TMPRSS5: variants seen among roughly 807,000 people sequenced by gnomAD.
TMPRSS5 encodes transmembrane protease serine 5.
In TMPRSS5, 45 loss-of-function variants were observed where a neutral mutation model predicts 59.7. The observed-to-expected ratio is 0.75, with a 90% CI of 0.59 to 0.97. TMPRSS5 has a LOEUF of 0.97. Ranked by LOEUF, TMPRSS5 falls within the 50% of genes least tolerant of loss-of-function variation. The pLI, the probability that TMPRSS5 is intolerant of heterozygous loss-of-function variation, is 0.00. For missense variants in TMPRSS5, 585 were observed against 596.7 expected, an observed-to-expected ratio of 0.98 and a Z score of 0.20; for synonymous variants, 225 against 232.0, an observed-to-expected ratio of 0.97 and a Z score of 0.27.
intron 11 of TMPRSS5, 64 bp from the exon 12 acceptor site, chr11:113,689,981 C>G: frequency 1.4e-6 from 2 of 1,456,206 alleles, no homozygotes; most frequent in Non-Finnish European, 1.8e-6. Context: ...TGGAGAGCAC[C>G]AGACCACTAT....
At chr11:113,693,037 C>T in intron 9 of TMPRSS5, 34 bp downstream of exon 9, 1 of 1,379,158 alleles carries the variant, frequency 7.3e-7, no homozygotes, top group Non-Finnish European at 9.8e-7. Flanking sequence ...TCGCCATAGT[C>T]TCCAGCCTGC....
intron 12 of TMPRSS5, among the ~76,000 whole-genome samples, chr11:113,689,159 A>T (rs1952686544): frequency 6.6e-6 from 1 of 151,768 alleles, no homozygotes; most frequent in Non-Finnish European, 1.5e-5. Context: ...GGAGTTCAAG[A>T]CCAGCCTGAC....
chr11:113,697,411 G>C lies in TMPRSS5; in HGVS notation c.336C>G (p.Phe112Leu), dbSNP rs375114010. Reference sequence around the variant, plus strand: ...GCAAGAAGTCTTCGCTGTTTATTCTGAAAGATACTGAAATCACAGCATGAA... The same window carrying C: ...GCAAGAAGTCTTCGCTGTTTATTCTCAAAGATACTGAAATCACAGCATGAA... ...LLPALPKTVS[F>L]RINSEDFLLE... The change falls in exon 5 of 13, where the codon TTC becomes TTG. Residue 112 changes from phenylalanine (F) to leucine (L), a missense_variant. Coordinates refer to ENST00000299882, the MANE Select transcript of TMPRSS5 (RefSeq NM_030770.4). 1.2e-6 allele frequency: 2 copies of C among 1,613,552 alleles called. No homozygotes were observed. The highest frequency in any genetic ancestry group is 2.7e-5 in the African/African-American group (2 of 74,932).
intron 9 of TMPRSS5, 127 bp from the exon 10 acceptor site, chr11:113,691,066 T>TGGAA: frequency 1.2e-6 from 1 of 843,664 alleles, no homozygotes; most frequent in Non-Finnish European, 1.9e-6. Flanking sequence ...GGCTCCTGGG[T>TGGAA]TCCACCAGCC....
chr11:113,693,044 C>T, intron 9 of TMPRSS5, 27 bp downstream of exon 9: 11 of 1,550,602 alleles, frequency 7.1e-6, no homozygotes, highest in Non-Finnish European at 8.7e-6. Context: ...AGTCTCCAGC[C>T]TGCCCACCCT....
At chr11:113,690,176 G>GCCCACCCCC in intron 11 of TMPRSS5, 55 bp downstream of exon 11, 2 of 388,226 alleles carry the variant, frequency 5.2e-6, no homozygotes, top group Non-Finnish European at 8.3e-6. Context: ...CAGGCCCCCT[G>GCCCACCCCC]CCCTCCCACC....
At chr11:113,705,600 T>C (rs538595120) in intron 1 of TMPRSS5, among the ~76,000 whole-genome samples, 18 of 152,278 alleles carry the variant, frequency 1.2e-4, no homozygotes, top group South Asian at 2.1e-4. Context: ...ACACAGGCAG[T>C]GAGGCTGCAG....
chr11:113,693,012 A>ACC, intron 9 of TMPRSS5, 59 bp downstream of exon 9: 2 of 866,092 alleles, frequency 2.3e-6, no homozygotes, highest in Non-Finnish European at 3.7e-6. Context: ...TCTCCCACCC[A>ACC]GCCCCCGCCC....
rs1306067549 is a variant in TMPRSS5 at position 113,699,074 on chromosome 11, G to A, written c.206-47C>T. 4 of 1,591,242 alleles carry A rather than the reference G, an allele frequency of 2.5e-6. No individual in the cohort carries two copies. The East Asian group carries it at 6.8e-5, about 27-fold the overall frequency. Reference sequence around the variant, plus strand: ...AAGGGTCTGATTTCCAAAGGAAGGTGTCAAGGTGCTGACCTCCTCATCAGC... The same window carrying A: ...AAGGGTCTGATTTCCAAAGGAAGGTATCAAGGTGCTGACCTCCTCATCAGC... On this transcript the variant is annotated intron_variant, in intron 3 of 12. Transcript: ENST00000299882.
chr11:113,699,669 G>A lies in TMPRSS5; in HGVS notation c.131C>T (p.Ser44Phe). The A allele has an allele frequency of 1.3e-6, 2 of 1,581,888 alleles. No individual in the cohort carries two copies. The highest frequency in any genetic ancestry group is 1.7e-6 in the Non-Finnish European group (2 of 1,164,464). The change falls in exon 3 of 13, where the codon TCC becomes TTC. Residue 44 changes from serine to phenylalanine, a missense_variant. By Grantham distance (155) the Ser-to-Phe change is radical. Transcript: ENST00000299882. ...CAGCACTGCACAGCCACGTCGCATG[G>A]AACGCCAGCACACTGCCTGAGAAAC... ...HPISQAVCWR[S>F]MRRGCAVLGA...
Position 113,690,318 on chromosome 11 carries a change from G to A in TMPRSS5, c.1119C>T (p.Leu373=), listed in dbSNP as rs1257005148. 2 of 1,601,718 alleles carry A rather than the reference G, an allele frequency of 1.2e-6. No individual in the cohort carries two copies. The highest frequency in any genetic ancestry group is 1.7e-6 in the Non-Finnish European group (2 of 1,174,926). Residue 373 remains leucine, a synonymous_variant, in exon 11 of 13, where the codon CTC becomes CTT. Transcript: ENST00000299882. ...DTVVPLFSTQ[L]CNSSCVYSGA... ...CGCTGTACACGCAAGAGCTGTTGCAGAGCTGAGTGCTGAACAAGGGCACCA... is the reference window on the plus strand; with the variant it reads ...CGCTGTACACGCAAGAGCTGTTGCAAAGCTGAGTGCTGAACAAGGGCACCA...
At chr11:113,705,032 C>A (rs976397568) in intron 1 of TMPRSS5, among the ~76,000 whole-genome samples, 14 of 152,108 alleles carry the variant, frequency 9.2e-5, no homozygotes, top group African/African-American at 3.4e-4. Context: ...AATTTATAAT[C>A]CAGTAGGGTA....
chr11:113,690,469 G>T (rs1952743218), intron 10 of TMPRSS5, 96 bp from the exon 11 acceptor site: 5 of 1,490,438 alleles, frequency 3.4e-6, no homozygotes, highest in Non-Finnish European at 4.5e-6. Flanking sequence ...CAGAGACAGG[G>T]AGACCCAAAG....
chr11:113,690,763 G>A, intron 10 of TMPRSS5, 78 bp downstream of exon 10: 1 of 1,301,036 alleles, frequency 7.7e-7, no homozygotes, highest in Non-Finnish European at 1.1e-6. Flanking sequence ...GTGGCCAGGG[G>A]ATGTGGCCTT....
intron 12 of TMPRSS5, among the ~76,000 whole-genome samples, chr11:113,688,568 T>TTTTTG (rs897477505): frequency 2.0e-5 from 3 of 152,110 alleles, no homozygotes; most frequent in South Asian, 2.1e-4. Flanking sequence ...GTAAATAATG[T>TTTTTG]TTTTGTTTTG....
intron 10 of TMPRSS5, 51 bp downstream of exon 10, chr11:113,690,790 G>C: frequency 6.7e-7 from 1 of 1,500,028 alleles, no homozygotes; most frequent in African/African-American, 1.4e-5. Flanking sequence ...CCCTGGGGAA[G>C]AATGCCTCCC....
In TMPRSS5 at chr11:113,693,051, C is replaced by T; in HGVS notation, c.964+20G>A. On this transcript the variant is annotated intron_variant, in intron 9 of 12. Transcript: ENST00000299882. ...CTCGCCATAGTCTCCAGCCTGCCCACCCTCAAGCCAGTGCCGCACCTGAGA... is the reference window on the plus strand; with the variant it reads ...CTCGCCATAGTCTCCAGCCTGCCCATCCTCAAGCCAGTGCCGCACCTGAGA... The T allele has an allele frequency of 6.4e-7, 1 of 1,552,206 alleles. No individual in the cohort carries two copies. Among genetic ancestry groups the T allele is most frequent in the Non-Finnish European group, 8.7e-7 (1 of 1,147,150 alleles).
chr11:113,691,084 C>G (rs1027128184), intron 9 of TMPRSS5, 145 bp from the exon 10 acceptor site: 2 of 686,936 alleles, frequency 2.9e-6, no homozygotes, highest in African/African-American at 3.6e-5. Context: ...GCCAGGCCTC[C>G]TAGATGGCTA....
chr11:113,704,249 T>C lies in TMPRSS5; in HGVS notation c.3+1973A>G, dbSNP rs146526357. On this transcript the variant is annotated intron_variant, in intron 1 of 12. Coordinates refer to ENST00000299882, the MANE Select transcript of TMPRSS5 (RefSeq NM_030770.4). Reference sequence around the variant, plus strand: ...TCAAAGCTAAGTCTGCAACCTACTATGTGAACTTGGACAACTCAGGCCATC... The same window carrying C: ...TCAAAGCTAAGTCTGCAACCTACTACGTGAACTTGGACAACTCAGGCCATC... Among the ~76,000 whole-genome samples the C allele has an allele frequency of 6.8e-4, 104 of 152,308 alleles. No individual in the cohort carries two copies. The South Asian group carries it at 0.011, about 16-fold the overall frequency.
Sources: gnomAD v4.1 joint callset for allele counts (sites outside exome capture counted in the v4.1 genomes callset) on GRCh38, gnomAD v4.1.1 for gene constraint, MANE v1.5 for transcripts, NCBI Gene and HGNC (gene_info 2026-07-23, HGNC 2026-07-21) for gene names.